The following ATXN7 variants were observed in gnomAD, a reference collection of about 807,000 sequenced individuals.
The protein encoded by ATXN7 is ataxin-7.
ATXN7 carries 12 observed loss-of-function variants against 70.5 expected under a neutral mutation model. That is an observed-to-expected ratio of 0.17 (90% CI 0.11 to 0.28). The LOEUF is 0.28. ATXN7 is among the 10% of genes least tolerant of loss of function. ATXN7 has a pLI of 1.00. For synonymous variants in ATXN7, 498 were observed against 448.7 expected (o/e 1.11, Z -1.39); for missense variants, 1,256 against 1,131.7 (o/e 1.11, Z -1.58).
At chr3:63,974,714 A>G (rs925166536) in intron 5 of ATXN7, among the ~76,000 whole-genome samples, 1 of 152,262 alleles carries the variant, frequency 6.6e-6, no homozygotes, top group Non-Finnish European at 1.5e-5. Flanking sequence ...TACACAGTAC[A>G]CAGTAGCAGC....
intron 1 of ATXN7, among the ~76,000 whole-genome samples, chr3:63,872,483 A>G (rs151212887): frequency 3.3e-5 from 5 of 152,296 alleles, no homozygotes; most frequent in East Asian, 3.9e-4. Flanking sequence ...GCCTAGATCA[A>G]ATTTCCTCAG....
intron 1 of ATXN7, among the ~76,000 whole-genome samples, chr3:63,884,552 A>AT (rs1703024602): frequency 2.0e-5 from 3 of 152,188 alleles, no homozygotes; most frequent in Non-Finnish European, 4.4e-5. Flanking sequence ...AATGGGAGAG[A>AT]ATAGATAAAT....
At chr3:63,876,646 G>A (rs1460488543) in intron 1 of ATXN7, among the ~76,000 whole-genome samples, 1 of 152,186 alleles carries the variant, frequency 6.6e-6, no homozygotes, top group East Asian at 1.9e-4. Context: ...TGAAAAATCA[G>A]TTGTCATAAT....
Position 63,982,392 on chromosome 3 carries a change from A to C in ATXN7, c.959A>C (p.Lys320Thr). 1 of 1,613,424 alleles carries C rather than the reference A, an allele frequency of 6.2e-7. No homozygotes were observed. Among genetic ancestry groups the C allele is most frequent in the Admixed American group, 1.7e-5 (1 of 60,002 alleles). Residue 320 changes from lysine to threonine, a missense_variant, in exon 7 of 13, where the codon AAG becomes ACG. Physicochemically the swap from Lys to Thr is moderately conservative, Grantham distance 78 (BLOSUM62 -1). Coordinates refer to ENST00000674280, the MANE Select transcript of ATXN7 (RefSeq NM_001377405.1). ...KGLPAPPTLE[K>T]KPEDNSNNRK... ...CTTCCTGCACCGCCCACTCTGGAAA[A>C]GAAACCTGAAGACAATTCCAATAAT... is the stretch of plus-strand genomic sequence containing the variant.
intron 12 of ATXN7, among the ~76,000 whole-genome samples, chr3:63,997,407 C>T (rs1297971019): frequency 3.3e-5 from 5 of 152,158 alleles, no homozygotes; most frequent in East Asian, 1.9e-4. Context: ...ATTCCAAGCT[C>T]ATAGTTAAAA....
intron 1 of ATXN7, among the ~76,000 whole-genome samples, chr3:63,896,666 T>TC (rs1456458101): frequency 2.0e-5 from 3 of 152,188 alleles, no homozygotes; most frequent in Non-Finnish European, 4.4e-5. Flanking sequence ...ATAGGTTTTT[T>TC]CCCATACTAA....
intron 5 of ATXN7, among the ~76,000 whole-genome samples, chr3:63,973,007 G>A (rs775045151): frequency 6.6e-6 from 1 of 152,136 alleles, no homozygotes; most frequent in Non-Finnish European, 1.5e-5. Context: ...GTCCACAGTA[G>A]GCTCTGTGCT....
chr3:63,988,486 G>A (rs1432421099), intron 9 of ATXN7, 162 bp downstream of exon 9: 9 of 990,646 alleles, frequency 9.1e-6, no homozygotes, highest in South Asian at 3.5e-5. Context: ...GAAAGGTTGA[G>A]TTCAGTAAGT....
rs528214335 is a variant in ATXN7, at chr3:63,915,164, T to C, written c.394+1939T>C. 5.3e-5 allele frequency among the ~76,000 whole-genome samples: 8 copies of C among 152,298 alleles called. No individual in the cohort carries two copies. In the East Asian group the frequency reaches 1.5e-3, roughly 29 times the overall value. Reference sequence around the variant, plus strand: ...GTTGGCCACGATGGTCTCAATCTCCTAACCTCGTGACCCACCTGCCTCGGC... The same window carrying C: ...GTTGGCCACGATGGTCTCAATCTCCCAACCTCGTGACCCACCTGCCTCGGC... On this transcript the variant is annotated intron_variant, in intron 4 of 12. Transcript: ENST00000674280.
At chr3:63,894,397 T>A (rs1475229139) in intron 1 of ATXN7, among the ~76,000 whole-genome samples, 1 of 152,220 alleles carries the variant, frequency 6.6e-6, no homozygotes. Context: ...GCCTGTGGAC[T>A]TTTCCATTTG....
chr3:63,905,350 A>G (rs1361383817), intron 2 of ATXN7: 1 of 152,140 alleles, frequency 6.6e-6, no homozygotes, highest in Non-Finnish European at 1.5e-5. Context: ...AGCTGGGATT[A>G]CAGGCACGTG....
intron 4 of ATXN7, among the ~76,000 whole-genome samples, chr3:63,939,711 G>A (rs1559639549): frequency 6.6e-6 from 1 of 152,114 alleles, no homozygotes; most frequent in African/African-American, 2.4e-5. Context: ...GTTTTAACTT[G>A]CCCTATTTCA....
At chr3:63,943,077 A>G (rs1010158693) in intron 4 of ATXN7, among the ~76,000 whole-genome samples, 1 of 152,208 alleles carries the variant, frequency 6.6e-6, no homozygotes, top group African/African-American at 2.4e-5. Flanking sequence ...ACTGAGTGAC[A>G]AGAGAGAATT....
intron 5 of ATXN7, among the ~76,000 whole-genome samples, chr3:63,974,219 A>G (rs184140485): frequency 3.3e-5 from 5 of 152,328 alleles, no homozygotes; most frequent in East Asian, 1.9e-4. Context: ...GCAACTTCCA[A>G]AATGGAAAGA....
At chr3:63,949,145 T>G (rs1294633529) in intron 4 of ATXN7, among the ~76,000 whole-genome samples, 3 of 152,264 alleles carry the variant, frequency 2.0e-5, no homozygotes, top group Middle Eastern at 6.8e-3. Context: ...ATACATACTG[T>G]CTCTCACACA....
chr3:63,962,260 C>G (rs1260406870), intron 5 of ATXN7, among the ~76,000 whole-genome samples: 25 of 152,042 alleles, frequency 1.6e-4, no homozygotes, highest in Admixed American at 1.6e-3. Flanking sequence ...TAATTATTTC[C>G]ATTTAAAATA....
In ATXN7 at chr3:63,990,201, G is replaced by A. The variant is rs1413479819; in HGVS notation, c.1387G>A (p.Gly463Ser). The change falls in exon 10 of 13, where the codon GGT becomes AGT. Residue 463 changes from glycine to serine, a missense_variant. Coordinates refer to ENST00000674280, the MANE Select transcript of ATXN7 (RefSeq NM_001377405.1). ...PRPPGCPAQQ[G>S]GSAPIDPPPV... ...GCCTCCAGGCTGCCCTGCTCAGCAA[G>A]GTGGGAGTGCCCCCATTGACCCTCC... 6.2e-7 allele frequency: 1 copy of A among 1,613,462 alleles called. No individual in the cohort carries two copies. Among genetic ancestry groups the A allele is most frequent in the Non-Finnish European group, 8.5e-7 (1 of 1,180,012 alleles).
At chr3:63,981,758 T>C (rs1487615333) in intron 6 of ATXN7, among the ~76,000 whole-genome samples, 7 of 152,250 alleles carry the variant, frequency 4.6e-5, no homozygotes, top group Non-Finnish European at 2.9e-5. Context: ...AAATATTTGC[T>C]CACTCAGAAG....
At chr3:63,945,912 C>T (rs1315235567) in intron 4 of ATXN7, among the ~76,000 whole-genome samples, 9 of 152,150 alleles carry the variant, frequency 5.9e-5, no homozygotes, top group Admixed American at 4.6e-4. Flanking sequence ...GATTCTGTGA[C>T]GAGAGTGTGG....
Sources: gnomAD v4.1 joint callset for allele counts (sites outside exome capture counted in the v4.1 genomes callset) on GRCh38, gnomAD v4.1.1 for gene constraint, MANE v1.5 for transcripts, NCBI Gene and HGNC (gene_info 2026-07-23, HGNC 2026-07-21) for gene names.